SAMTOR: variants seen among roughly 807,000 people sequenced by gnomAD.
The protein encoded by SAMTOR is S-adenosylmethionine sensor upstream of mTORC1, also known as UPF0532 protein C7orf60.
At chr7:112,876,989 C>G in the SAMTOR span, among the ~76,000 whole-genome samples, 5 of 152,196 alleles carry the variant, frequency 3.3e-5, no homozygotes, top group African/African-American at 4.8e-5. Flanking sequence ...TCTGCCTTCA[C>G]AGCACATTCC....
the SAMTOR span, among the ~76,000 whole-genome samples, chr7:112,911,428 T>C: frequency 0.042 from 6,416 of 152,198 alleles, 357 homozygotes; most frequent in African/African-American, 0.12. Flanking sequence ...GTTCAGTCTT[T>C]CATTCTAGCT....
At chr7:112,908,816 C>G in the SAMTOR span, among the ~76,000 whole-genome samples, 1 of 152,142 alleles carries the variant, frequency 6.6e-6, no homozygotes, top group Non-Finnish European at 1.5e-5. Context: ...GAATTCTGAT[C>G]CTGCCCCAAC....
At chr7:112,850,479 C>T in the SAMTOR span, among the ~76,000 whole-genome samples, 2 of 152,094 alleles carry the variant, frequency 1.3e-5, no homozygotes, top group Non-Finnish European at 2.9e-5. Flanking sequence ...AAGATTGGTA[C>T]CAGTTCTTCT....
chr7:112,901,023 GA>G, the SAMTOR span, among the ~76,000 whole-genome samples: 1 of 152,124 alleles, frequency 6.6e-6, no homozygotes, highest in Non-Finnish European at 1.5e-5. Context: ...ATCTGTAAAA[GA>G]AAAAATTGAT....
chr7:112,886,927 A>T, the SAMTOR span, among the ~76,000 whole-genome samples: 1 of 152,150 alleles, frequency 6.6e-6, no homozygotes, highest in East Asian at 1.9e-4. Context: ...AGCACTTTGG[A>T]GGCCGAGGAA....
chr7:112,914,480 T>C, the SAMTOR span, among the ~76,000 whole-genome samples: 3,420 of 152,188 alleles, frequency 0.022, 66 homozygotes, highest in Admixed American at 0.042. Flanking sequence ...TTAAGAGAAC[T>C]AGTATAAGCA....
At chr7:112,889,758 C>T in the SAMTOR span, among the ~76,000 whole-genome samples, 1,646 of 152,274 alleles carry the variant, frequency 0.011, 31 homozygotes, top group African/African-American at 0.037. Flanking sequence ...GTGAACCTAG[C>T]TTAGGAACAG....
the SAMTOR span, among the ~76,000 whole-genome samples, chr7:112,847,544 C>A: frequency 6.6e-6 from 1 of 152,028 alleles, no homozygotes; most frequent in Admixed American, 6.6e-5. Flanking sequence ...TTTGAGAAGC[C>A]GAGGCGGGCG....
At chr7:112,905,844 C>T in the SAMTOR span, among the ~76,000 whole-genome samples, 3 of 152,022 alleles carry the variant, frequency 2.0e-5, no homozygotes, top group Non-Finnish European at 2.9e-5. Context: ...ACACCACATA[C>T]ATTACTGCAA....
At chr7:112,908,624 C>G in the SAMTOR span, among the ~76,000 whole-genome samples, 2 of 152,114 alleles carry the variant, frequency 1.3e-5, no homozygotes, top group Admixed American at 6.5e-5. Flanking sequence ...GAGTATATAA[C>G]AGTATACAAC....
At chr7:112,822,123 G>C in the SAMTOR span, 1 of 1,613,876 alleles carries the variant, frequency 6.2e-7, no homozygotes, top group East Asian at 2.2e-5. Context: ...CTGATGGGAG[G>C]AATCAGGTGT....
At chr7:112,898,519 T>C in the SAMTOR span, among the ~76,000 whole-genome samples, 4 of 152,204 alleles carry the variant, frequency 2.6e-5, no homozygotes, top group Non-Finnish European at 5.9e-5. Flanking sequence ...CAGGCTGTTG[T>C]TCCCACATGG....
chr7:112,823,261 T>C, the SAMTOR span, among the ~76,000 whole-genome samples: 4 of 152,152 alleles, frequency 2.6e-5, no homozygotes, highest in African/African-American at 4.8e-5. Context: ...GGCAGCTTTA[T>C]TGATGTATAA....
the SAMTOR span, among the ~76,000 whole-genome samples, chr7:112,825,639 T>C: frequency 6.6e-6 from 1 of 152,206 alleles, no homozygotes; most frequent in Non-Finnish European, 1.5e-5. Context: ...AATACAGTTT[T>C]ACTTCTTTCC....
the SAMTOR span, among the ~76,000 whole-genome samples, chr7:112,884,121 A>G: frequency 6.6e-6 from 1 of 152,336 alleles, no homozygotes; most frequent in South Asian, 2.1e-4. Context: ...CTCACTCACT[A>G]TCCTGAGAAC....
At chr7:112,924,340 T>C in the SAMTOR span, among the ~76,000 whole-genome samples, 3 of 152,176 alleles carry the variant, frequency 2.0e-5, no homozygotes, top group Non-Finnish European at 2.9e-5. Context: ...ATAGTCCAAA[T>C]GTAACAACCA....
chr7:112,840,191 A>G, the SAMTOR span, among the ~76,000 whole-genome samples: 1 of 151,890 alleles, frequency 6.6e-6, no homozygotes, highest in African/African-American at 2.4e-5. Flanking sequence ...TGGTATAGCT[A>G]AAGTTGAGAA....
At chr7:112,921,638 AC>A in the SAMTOR span, among the ~76,000 whole-genome samples, 1 of 147,704 alleles carries the variant, frequency 6.8e-6, no homozygotes, top group African/African-American at 2.5e-5. Flanking sequence ...AGCAAAAGAA[AC>A]TACCATCAGA....
At chr7:112,924,115 G>A in the SAMTOR span, among the ~76,000 whole-genome samples, 1 of 151,626 alleles carries the variant, frequency 6.6e-6, no homozygotes, top group Non-Finnish European at 1.5e-5. Flanking sequence ...AATGGGTGCA[G>A]CACACCAGCA....
Sources: allele counts gnomAD v4.1 joint callset (sites outside exome capture counted in the v4.1 genomes callset), GRCh38; gene constraint gnomAD v4.1.1; transcripts MANE v1.5; gene names NCBI Gene and HGNC (gene_info 2026-07-23, HGNC 2026-07-21).